ZFPM2: variants seen among roughly 807,000 people sequenced by gnomAD.
The protein encoded by ZFPM2 is zinc finger protein ZFPM2.
ZFPM2 carries 20 observed loss-of-function variants against 98.6 expected under a neutral mutation model. The observed-to-expected ratio is 0.20, with a 90% CI of 0.14 to 0.29. ZFPM2 has a LOEUF of 0.29. ZFPM2 is among the 10% of genes least tolerant of loss of function. The pLI is 1.00. For synonymous variants in ZFPM2, 518 were observed against 502.7 expected (o/e 1.03, Z -0.41); for missense variants, 1,310 against 1,388.6 (o/e 0.94, Z 0.90).
chr8:105,468,987 A>G (rs1370519464), intron 3 of ZFPM2, among the ~76,000 whole-genome samples: 1 of 149,604 alleles, frequency 6.7e-6, no homozygotes, highest in Non-Finnish European at 1.5e-5. Flanking sequence ...TATGTGAGTG[A>G]TTCTTTCTTG....
intron 3 of ZFPM2, among the ~76,000 whole-genome samples, chr8:105,445,334 T>C (rs1812343845): frequency 6.6e-6 from 1 of 152,172 alleles, no homozygotes; most frequent in Admixed American, 6.5e-5. Context: ...TACACACAAA[T>C]GTTTGTATTC....
At chr8:105,330,635 T>TATATATATACACATATATATATAC (rs1586296442) in intron 1 of ZFPM2, among the ~76,000 whole-genome samples, 1 of 91,934 alleles carries the variant, frequency 1.1e-5, no homozygotes, top group East Asian at 2.7e-4. Context: ...TATATATACA[T>TATATATATACACATATATATATAC]ATATATATAT....
At chr8:105,586,279 AC>A (rs934247715) in intron 4 of ZFPM2, among the ~76,000 whole-genome samples, 2 of 152,068 alleles carry the variant, frequency 1.3e-5, no homozygotes, top group Non-Finnish European at 2.9e-5. Flanking sequence ...GTTTTGTTTC[AC>A]CTACAGCACT....
chr8:105,619,133 G>T (rs1321739872), intron 4 of ZFPM2, among the ~76,000 whole-genome samples: 1 of 151,966 alleles, frequency 6.6e-6, no homozygotes, highest in Middle Eastern at 3.2e-3. Context: ...AATTGGAGAC[G>T]GCCTCAGTGT....
At chr8:105,795,354 C>CAA (rs1491062741) in intron 6 of ZFPM2, among the ~76,000 whole-genome samples, 2 of 106,322 alleles carry the variant, frequency 1.9e-5, no homozygotes, top group African/African-American at 1.3e-4. Context: ...CTGAATGTCA[C>CAA]ACACACACAC....
At chr8:105,640,220 A>C (rs1055704943) in intron 5 of ZFPM2, among the ~76,000 whole-genome samples, 3 of 152,058 alleles carry the variant, frequency 2.0e-5, no homozygotes, top group Non-Finnish European at 4.4e-5. Flanking sequence ...ACAATCAACA[A>C]AATTTTGGAA....
intron 4 of ZFPM2, among the ~76,000 whole-genome samples, chr8:105,573,983 G>T (rs1433257903): frequency 1.3e-5 from 2 of 152,094 alleles, no homozygotes; most frequent in African/African-American, 4.8e-5. Context: ...AAAATTATAC[G>T]CATTTAGTCA....
At chr8:105,641,493 G>A (rs1045483443) in intron 5 of ZFPM2, among the ~76,000 whole-genome samples, 1 of 151,912 alleles carries the variant, frequency 6.6e-6, no homozygotes, top group Non-Finnish European at 1.5e-5. Flanking sequence ...GATTCAAATT[G>A]TCATTTCTAA....
chr8:105,640,865 G>A (rs370389625), intron 5 of ZFPM2, among the ~76,000 whole-genome samples: 5 of 151,948 alleles, frequency 3.3e-5, no homozygotes, highest in Non-Finnish European at 5.9e-5. Flanking sequence ...AAAAATTTGC[G>A]TTCATATTTT....
intron 3 of ZFPM2, among the ~76,000 whole-genome samples, chr8:105,531,330 A>G (rs1344131665): frequency 6.6e-6 from 1 of 152,142 alleles, no homozygotes; most frequent in African/African-American, 2.4e-5. Context: ...TGAACTCTTT[A>G]GGGGAATCCT....
intron 5 of ZFPM2, among the ~76,000 whole-genome samples, chr8:105,709,336 A>G (rs540393071): frequency 7.2e-5 from 11 of 152,318 alleles, no homozygotes; most frequent in Non-Finnish European, 1.5e-4. Flanking sequence ...ATTATAGTCT[A>G]TATTACTGGC....
chr8:105,740,383 G>T (rs989563639), intron 5 of ZFPM2, among the ~76,000 whole-genome samples: 1 of 151,704 alleles, frequency 6.6e-6, no homozygotes, highest in Non-Finnish European at 1.5e-5. Flanking sequence ...ATAAAAAGAT[G>T]ATGGTAAATT....
intron 1 of ZFPM2, among the ~76,000 whole-genome samples, chr8:105,346,933 G>A (rs948578702): frequency 2.6e-5 from 4 of 152,136 alleles, no homozygotes; most frequent in Non-Finnish European, 5.9e-5. Flanking sequence ...TGAATCATGG[G>A]TCCAATTCTC....
chr8:105,791,736 G>A (rs1013929474), intron 6 of ZFPM2, among the ~76,000 whole-genome samples: 6 of 152,120 alleles, frequency 3.9e-5, no homozygotes, highest in Non-Finnish European at 7.4e-5. Flanking sequence ...CTTTTTCATT[G>A]GTAAGCTATT....
rs181283758 is a variant in ZFPM2, at chr8:105,362,722, T to C, written c.40+43741T>C. ...CGGAAAGTCTGAGTGTACACAATAT[T>C]GGAAGTAGCAGCTTTGTGAACCCGT... On this transcript the variant is annotated intron_variant, in intron 1 of 7. Coordinates refer to ENST00000407775, the MANE Select transcript of ZFPM2 (RefSeq NM_012082.4). Among the ~76,000 whole-genome samples, 623 of 152,274 alleles carry C rather than the reference T, an allele frequency of 4.1e-3. 4 individuals are homozygous for C. The highest frequency in any genetic ancestry group is 0.014 in the African/African-American group (594 of 41,550).
At chr8:105,497,843 G>A (rs929929175) in intron 3 of ZFPM2, among the ~76,000 whole-genome samples, 1 of 152,014 alleles carries the variant, frequency 6.6e-6, no homozygotes, top group African/African-American at 2.4e-5. Context: ...GGAATACTGC[G>A]AGAGTAACAA....
intron 5 of ZFPM2, among the ~76,000 whole-genome samples, chr8:105,670,625 C>T (rs1186353680): frequency 7.2e-5 from 11 of 151,920 alleles, no homozygotes; most frequent in Admixed American, 7.2e-4. Flanking sequence ...TAAGCCTCTA[C>T]CCTGTACATT....
At chr8:105,664,908 C>CA (rs961950356) in intron 5 of ZFPM2, among the ~76,000 whole-genome samples, 4 of 150,354 alleles carry the variant, frequency 2.7e-5, no homozygotes, top group African/African-American at 7.3e-5. Flanking sequence ...GAGCACAAAG[C>CA]AAAAAAAGAA....
chr8:105,419,366 A>AT (rs1353635133), intron 2 of ZFPM2, 64 bp downstream of exon 2: 1 of 1,572,560 alleles, frequency 6.4e-7, no homozygotes, highest in Non-Finnish European at 8.6e-7. Context: ...TGTTTTAAAA[A>AT]AATGCATAAT....
Sources: allele counts gnomAD v4.1 joint callset (sites outside exome capture counted in the v4.1 genomes callset), GRCh38; gene constraint gnomAD v4.1.1; transcripts MANE v1.5; gene names NCBI Gene and HGNC (gene_info 2026-07-23, HGNC 2026-07-21).